The following MYH10 variants were observed in gnomAD, a reference collection of about 807,000 sequenced individuals.
MYH10 encodes the protein myosin-10.
In MYH10, 55 loss-of-function variants were observed where a neutral mutation model predicts 257.8. The ratio of observed to expected loss-of-function variants is 0.21; its 90% CI spans 0.17 to 0.27. MYH10 has a LOEUF of 0.27. MYH10 is among the 10% of genes least tolerant of loss of function. MYH10 has a pLI of 1.00. For missense variants in MYH10, 1,631 were observed against 2,500.6 expected, an observed-to-expected ratio of 0.65 and a Z score of 7.42; for synonymous variants, 854 against 921.7, an observed-to-expected ratio of 0.93 and a Z score of 1.33.
intron 7 of MYH10, among the ~76,000 whole-genome samples, chr17:8,566,189 C>T (rs2083162236): frequency 6.6e-6 from 1 of 152,124 alleles, no homozygotes; most frequent in African/African-American, 2.4e-5. Flanking sequence ...GAACCACTGA[C>T]CTAGAGTCAC....
chr17:8,628,252 C>A (rs2085757625), intron 1 of MYH10, among the ~76,000 whole-genome samples: 3 of 152,160 alleles, frequency 2.0e-5, no homozygotes. Flanking sequence ...TGCCTAATTA[C>A]AATTAAATCA....
At chr17:8,619,614 T>C (rs923074750) in intron 2 of MYH10, among the ~76,000 whole-genome samples, 2 of 152,094 alleles carry the variant, frequency 1.3e-5, no homozygotes, top group Non-Finnish European at 1.5e-5. Context: ...GATTCATTTA[T>C]ATAAAAATTC....
chr17:8,515,759 G>T (rs1258504637), intron 21 of MYH10, among the ~76,000 whole-genome samples: 1 of 151,754 alleles, frequency 6.6e-6, no homozygotes, highest in East Asian at 1.9e-4. Context: ...GGCCAGGCTG[G>T]TCTTGAACTC....
rs1401261950 is a variant in MYH10, at chr17:8,535,306, T to C, written c.1894+81A>G. ...AAGTAAGAAGTTATATGTATCCATA[T>C]ATATGTAAAAGAACCATCTATAAAC... On this transcript the variant is annotated intron_variant, in intron 16 of 42. Transcript: ENST00000360416. The surrounding 1 kb of genome is among the most constrained non-coding windows in gnomAD (Gnocchi z 4.3). 26 of 1,003,872 alleles carry C rather than the reference T, an allele frequency of 2.6e-5. No individual in the cohort carries two copies. Among genetic ancestry groups the C allele is most frequent in the Non-Finnish European group, 3.3e-5 (22 of 673,684 alleles). 62.2% of individuals were successfully genotyped at this position (1,003,872 alleles called of 1,614,324 possible).
rs750903701 is a variant in MYH10 at position 8,477,040 on chromosome 17, C to T, written c.5715G>A (p.Lys1905=). ...HADQYKEQME[K]ANARMKQLKR... ...TAAGCTGCTTCATCCGAGCGTTGGC[C>T]TTCTCCATCTTGGGGAGGGTACATG... The change falls in exon 42 of 43, where the codon AAG becomes AAA. Residue 1905 remains lysine (K), a synonymous_variant. Coordinates refer to ENST00000360416, the MANE Select transcript of MYH10 (RefSeq NM_001256012.3). This position sits in a 1 kb window ranked among gnomAD's most constrained non-coding sequence, Gnocchi z 4.2. The T allele has an allele frequency of 1.5e-4, 241 of 1,613,954 alleles. No individual in the cohort carries two copies. The highest frequency in any genetic ancestry group is 1.9e-4 in the Non-Finnish European group (226 of 1,180,032).
chr17:8,593,940 T>C (rs568272986), intron 3 of MYH10, among the ~76,000 whole-genome samples: 1 of 152,336 alleles, frequency 6.6e-6, no homozygotes, highest in Admixed American at 6.5e-5. Flanking sequence ...ACTGTAAAGC[T>C]ACTGTAACTA....
chr17:8,620,930 C>T (rs1227721852), intron 2 of MYH10, among the ~76,000 whole-genome samples: 1 of 152,146 alleles, frequency 6.6e-6, no homozygotes, highest in Non-Finnish European at 1.5e-5. Context: ...TCAGGTTGTC[C>T]ATGAGTTAAG....
In MYH10 at chr17:8,475,593, A is replaced by C. The variant is rs547599427; in HGVS notation, c.*211T>G. The C allele has an allele frequency of 5.5e-6, 3 of 546,292 alleles. No homozygotes were observed. The highest frequency in any genetic ancestry group is 9.7e-6 in the Non-Finnish European group (3 of 310,708). 33.8% of individuals were successfully genotyped at this position (546,292 alleles called of 1,614,324 possible). A position where few individuals can be genotyped will look rare whatever the true frequency, so the allele number is the denominator to read the frequency against. The stretch of plus-strand genomic sequence containing the variant: ...GCAATGATGAAACAATCTGTTTAAT[A>C]TATGTGTCCTGTGTGTGTCTATATA... On this transcript the variant is annotated 3_prime_UTR_variant, in exon 43 of 43. Transcript: ENST00000360416.
intron 2 of MYH10, among the ~76,000 whole-genome samples, chr17:8,610,271 CA>C (rs71361810): frequency 0.038 from 1,739 of 45,932 alleles, 31 homozygotes; most frequent in Middle Eastern, 0.068. Context: ...CATAGGATTG[CA>C]AAAAAAAAAA....
chr17:8,602,389 A>G (rs896219616), intron 3 of MYH10, among the ~76,000 whole-genome samples: 1 of 152,182 alleles, frequency 6.6e-6, no homozygotes, highest in Non-Finnish European at 1.5e-5. Flanking sequence ...TGGTCAGGCT[A>G]CTGATCCTCT....
rs182054625 is a variant in MYH10 at position 8,611,773 on chromosome 17, C to T, written c.346-6791G>A. 3.9e-5 allele frequency among the ~76,000 whole-genome samples: 6 copies of T among 152,128 alleles called. No individual in the cohort carries two copies. In the East Asian group the frequency reaches 7.7e-4, roughly 20 times the overall value. On this transcript the variant is annotated intron_variant, in intron 2 of 42. Coordinates refer to ENST00000360416, the MANE Select transcript of MYH10 (RefSeq NM_001256012.3). Reference sequence around the variant, plus strand: ...GAGACCCAGATGGGACGAGGTGAAACGATCTGGAGCATGTGAAGTATGTGA... The same window carrying T: ...GAGACCCAGATGGGACGAGGTGAAATGATCTGGAGCATGTGAAGTATGTGA...
chr17:8,571,944 T>G (rs1239599391), intron 6 of MYH10, among the ~76,000 whole-genome samples: 1 of 148,440 alleles, frequency 6.7e-6, no homozygotes, highest in Non-Finnish European at 1.5e-5. Context: ...TTTTTAAACC[T>G]AATTCAATCT....
chr17:8,499,876 AATGAC>A (rs1306821757), intron 29 of MYH10, among the ~76,000 whole-genome samples: 1 of 152,196 alleles, frequency 6.6e-6, no homozygotes, highest in Non-Finnish European at 1.5e-5. Flanking sequence ...ATGTATCTCC[AATGAC>A]ATCCTGCCTC....
At chr17:8,536,921 A>G (rs1159956110) in intron 14 of MYH10, among the ~76,000 whole-genome samples, 1 of 152,166 alleles carries the variant, frequency 6.6e-6, no homozygotes, top group Non-Finnish European at 1.5e-5. Context: ...TTCTGGGGTG[A>G]TGAAAACGTG....
chr17:8,492,174 C>G, intron 34 of MYH10, 123 bp downstream of exon 34: 2 of 940,394 alleles, frequency 2.1e-6, no homozygotes, highest in Non-Finnish European at 3.2e-6. Flanking sequence ...GATGGCTTTG[C>G]TGCTGGGCTG....
chr17:8,493,525 C>A (rs16957357), intron 32 of MYH10, among the ~76,000 whole-genome samples: 11 of 152,142 alleles, frequency 7.2e-5, no homozygotes. Flanking sequence ...AATCTTACAT[C>A]GTTGACACAG....
intron 14 of MYH10, among the ~76,000 whole-genome samples, chr17:8,537,019 T>G (rs550857806): frequency 9.2e-5 from 14 of 152,324 alleles, no homozygotes; most frequent in Non-Finnish European, 1.5e-5. Flanking sequence ...GTGGATTTCA[T>G]GGTTTGTGAA....
rs1385954232 is a variant in MYH10 at position 8,585,286 on chromosome 17, GTGTA to G, written c.530+3791_530+3794del. On this transcript the variant is annotated intron_variant, in intron 4 of 42. Transcript: ENST00000360416. Reference sequence around the variant, plus strand: ...TGTATATATATGTGCATGTGTGTGTGTGTATATATATATATATATAGCTACATAT... The same window carrying G: ...TGTATATATATGTGCATGTGTGTGTGTATATATATATATATAGCTACATAT... Among the ~76,000 whole-genome samples, 23 of 84,632 alleles carry G rather than the reference GTGTA, an allele frequency of 2.7e-4. No homozygotes were observed. In the East Asian group the frequency reaches 3.0e-3, roughly 11 times the overall value. The allele number at this position is 84,632 out of a possible 152,430, so 55.5% of individuals were successfully genotyped here.
In MYH10 at chr17:8,604,721, T is replaced by A. The variant is rs561293670; in HGVS notation, c.502+105A>T. 97 of 872,926 alleles carry A rather than the reference T, an allele frequency of 1.1e-4. No individual in the cohort carries two copies. In the South Asian group the frequency reaches 1.8e-3, roughly 16 times the overall value. 54.1% of individuals were successfully genotyped at this position (872,926 alleles called of 1,614,324 possible). On this transcript the variant is annotated intron_variant, in intron 3 of 42. Coordinates refer to ENST00000360416, the MANE Select transcript of MYH10 (RefSeq NM_001256012.3). ...ATAAACATTACTTTTTTATTAATTTTAAAAAAATAAAATTTAACTTTTGTA... is the reference window on the plus strand; with the variant it reads ...ATAAACATTACTTTTTTATTAATTTAAAAAAAATAAAATTTAACTTTTGTA...
Sources: allele counts gnomAD v4.1 joint callset (sites outside exome capture counted in the v4.1 genomes callset), GRCh38; gene constraint gnomAD v4.1.1; non-coding constraint Gnocchi (gnomAD v3.1); transcripts MANE v1.5; gene names NCBI Gene and HGNC (gene_info 2026-07-23, HGNC 2026-07-21).